ST6GALNAC3: variants seen among roughly 807,000 people sequenced by gnomAD.
The protein encoded by ST6GALNAC3 is alpha-N-acetylgalactosaminide alpha-2,6-sialyltransferase 3.
A neutral mutation model predicts 32.7 loss-of-function variants in ST6GALNAC3; 25 were observed. That is an observed-to-expected ratio of 0.76 (90% CI 0.56 to 1.07). The LOEUF (loss-of-function observed/expected upper bound fraction) is 1.07, where lower values mean the gene tolerates loss of function less well. Ranked by LOEUF, ST6GALNAC3 falls within the 50% of genes least tolerant of loss-of-function variation. The pLI, the probability that ST6GALNAC3 is intolerant of heterozygous loss-of-function variation, is 0.00. For synonymous variants in ST6GALNAC3, 129 were observed against 133.1 expected (o/e 0.97, Z 0.21); for missense variants, 355 against 382.4 (o/e 0.93, Z 0.60).
intron 3 of ST6GALNAC3, among the ~76,000 whole-genome samples, chr1:76,491,227 G>A (rs1328811270): frequency 2.0e-5 from 3 of 152,128 alleles, no homozygotes; most frequent in Admixed American, 2.0e-4. Flanking sequence ...TGGAGTTGAA[G>A]CAAGAGGGTT....
chr1:76,238,829 A>G (rs1252051977), intron 1 of ST6GALNAC3, among the ~76,000 whole-genome samples: 1 of 152,130 alleles, frequency 6.6e-6, no homozygotes, highest in East Asian at 1.9e-4. Flanking sequence ...ATACTTACTG[A>G]CAACGTCTAG....
intron 3 of ST6GALNAC3, among the ~76,000 whole-genome samples, chr1:76,493,768 TA>T (rs1395083703): frequency 6.6e-6 from 1 of 152,172 alleles, no homozygotes; most frequent in Non-Finnish European, 1.5e-5. Context: ...TTTGTCATTT[TA>T]ACATGCATAT....
intron 1 of ST6GALNAC3, among the ~76,000 whole-genome samples, chr1:76,259,202 G>A (rs1018915199): frequency 6.6e-6 from 1 of 152,094 alleles, no homozygotes; most frequent in Non-Finnish European, 1.5e-5. Flanking sequence ...CAATTCTCTA[G>A]GTTACCATAT....
chr1:76,075,681 A>G (rs1646806104), intron 1 of ST6GALNAC3, among the ~76,000 whole-genome samples: 1 of 150,154 alleles, frequency 6.7e-6, no homozygotes, highest in African/African-American at 2.4e-5. Context: ...AGAACTTTCC[A>G]TCCCACTGGT....
intron 1 of ST6GALNAC3, among the ~76,000 whole-genome samples, chr1:76,201,513 C>T (rs1217273884): frequency 1.3e-5 from 2 of 152,146 alleles, no homozygotes; most frequent in East Asian, 3.9e-4. Context: ...AACCATATCA[C>T]GTTGGAAACT....
intron 3 of ST6GALNAC3, among the ~76,000 whole-genome samples, chr1:76,421,917 C>T (rs1208724146): frequency 2.6e-5 from 4 of 151,994 alleles, no homozygotes; most frequent in Non-Finnish European, 5.9e-5. Context: ...CCAATCACTT[C>T]TGATGAGTCT....
At chr1:76,141,476 C>G (rs748328774) in intron 1 of ST6GALNAC3, among the ~76,000 whole-genome samples, 2 of 152,160 alleles carry the variant, frequency 1.3e-5, no homozygotes, top group Non-Finnish European at 2.9e-5. Flanking sequence ...GTCATTTGAA[C>G]TCCTAGAGAA....
intron 3 of ST6GALNAC3, among the ~76,000 whole-genome samples, chr1:76,527,958 A>T (rs1281979004): frequency 6.6e-6 from 1 of 152,174 alleles, no homozygotes; most frequent in East Asian, 1.9e-4. Context: ...CCCAGGGTCA[A>T]CATTACATAT....
At chr1:76,202,137 A>G (rs1654554219) in intron 1 of ST6GALNAC3, among the ~76,000 whole-genome samples, 1 of 152,032 alleles carries the variant, frequency 6.6e-6, no homozygotes. Context: ...GAGAGAAACA[A>G]AACCATGAAT....
chr1:76,613,123 A>T (rs918103734), intron 3 of ST6GALNAC3, among the ~76,000 whole-genome samples: 3 of 152,180 alleles, frequency 2.0e-5, no homozygotes, highest in African/African-American at 7.2e-5. Context: ...TAACTGCAGG[A>T]TGGTACAAAT....
At chr1:76,486,704 T>C (rs1660141273) in intron 3 of ST6GALNAC3, among the ~76,000 whole-genome samples, 1 of 152,210 alleles carries the variant, frequency 6.6e-6, no homozygotes, top group African/African-American at 2.4e-5. Flanking sequence ...GTCTTTTAAT[T>C]GGGGCATTTA....
rs1367718404 is a variant in ST6GALNAC3 at position 76,568,189 on chromosome 1, T to C, written c.624-59263T>C. 2.0e-5 allele frequency among the ~76,000 whole-genome samples: 3 copies of C among 152,134 alleles called. No homozygotes were observed. The East Asian group carries it at 5.8e-4, about 29-fold the overall frequency. ...ATTCCACGCTTTGAAGCAGGTACTA[T>C]TACACCCTATTTGTAAGGCTTAGAG... On this transcript the variant is annotated intron_variant, in intron 3 of 4. Coordinates refer to ENST00000328299, the MANE Select transcript of ST6GALNAC3 (RefSeq NM_152996.4).
intron 3 of ST6GALNAC3, among the ~76,000 whole-genome samples, chr1:76,540,044 G>A (rs1030299040): frequency 2.0e-5 from 3 of 152,134 alleles, no homozygotes; most frequent in African/African-American, 4.8e-5. Context: ...CTGCTGTAAA[G>A]ATGCATGCAC....
intron 1 of ST6GALNAC3, among the ~76,000 whole-genome samples, chr1:76,174,084 C>A (rs186160467): frequency 1.3e-5 from 2 of 152,248 alleles, no homozygotes; most frequent in East Asian, 3.9e-4. Flanking sequence ...ATGGAACCAA[C>A]CCAAATGCCC....
chr1:76,408,645 T>C (rs1654002433), intron 2 of ST6GALNAC3, among the ~76,000 whole-genome samples: 2 of 152,104 alleles, frequency 1.3e-5, no homozygotes, highest in Admixed American at 6.6e-5. Context: ...TGTGCTGGTC[T>C]CACTTAATTC....
At chr1:76,106,396 C>T (rs1188686769) in intron 1 of ST6GALNAC3, among the ~76,000 whole-genome samples, 1 of 152,146 alleles carries the variant, frequency 6.6e-6, no homozygotes, top group East Asian at 1.9e-4. Context: ...TTTGATAAAT[C>T]CACAAGATAA....
intron 1 of ST6GALNAC3, among the ~76,000 whole-genome samples, chr1:76,170,415 G>A (rs930915898): frequency 6.6e-5 from 10 of 152,174 alleles, no homozygotes; most frequent in Non-Finnish European, 1.5e-4. Context: ...TGCCTTCTCT[G>A]TGCCCCATAA....
chr1:76,610,911 A>G (rs1226801060), intron 3 of ST6GALNAC3, among the ~76,000 whole-genome samples: 1 of 152,156 alleles, frequency 6.6e-6, no homozygotes, highest in Non-Finnish European at 1.5e-5. Flanking sequence ...GCCTCATAGC[A>G]GGCGCCCAGC....
intron 1 of ST6GALNAC3, among the ~76,000 whole-genome samples, chr1:76,250,305 G>A (rs1213764014): frequency 1.3e-5 from 2 of 152,214 alleles, no homozygotes; most frequent in African/African-American, 4.8e-5. Flanking sequence ...TAGCAAAGAA[G>A]TGTTAAAATC....
Sources: gnomAD v4.1 joint callset for allele counts (sites outside exome capture counted in the v4.1 genomes callset) on GRCh38, gnomAD v4.1.1 for gene constraint, MANE v1.5 for transcripts, NCBI Gene and HGNC (gene_info 2026-07-23, HGNC 2026-07-21) for gene names.